The following EIF3E variants were observed in gnomAD, a reference collection of about 807,000 sequenced individuals.
EIF3E encodes the protein eIF-3 p48.
Under a neutral mutation model 59.3 loss-of-function variants are expected in EIF3E, and 25 were observed. The ratio of observed to expected loss-of-function variants is 0.42; its 90% CI spans 0.31 to 0.59. EIF3E has a LOEUF of 0.59. Ranked by LOEUF, EIF3E falls within the 20% of genes least tolerant of loss-of-function variation. The pLI is 0.15. For synonymous variants in EIF3E, 176 were observed against 170.2 expected (o/e 1.03, Z -0.26); for missense variants, 317 against 534.3 (o/e 0.59, Z 4.01).
intron 4 of EIF3E, among the ~76,000 whole-genome samples, chr8:108,235,829 A>C (rs1411737073): frequency 6.6e-6 from 1 of 152,248 alleles, no homozygotes; most frequent in Non-Finnish European, 1.5e-5. Flanking sequence ...TTAATCCATA[A>C]GAAAAGGCAT....
chr8:108,247,551 G>A (rs1815971258), intron 1 of EIF3E, among the ~76,000 whole-genome samples: 1 of 152,158 alleles, frequency 6.6e-6, no homozygotes, highest in Admixed American at 6.5e-5. Context: ...GTTTAGAAAA[G>A]GTGCATATGA....
intron 7 of EIF3E, among the ~76,000 whole-genome samples, chr8:108,224,596 A>C (rs985358753): frequency 1.3e-5 from 2 of 151,622 alleles, no homozygotes; most frequent in Non-Finnish European, 2.9e-5. Context: ...ACCCTATAGC[A>C]AGTGAAAACA....
intron 1 of EIF3E, 29 bp downstream of exon 1, chr8:108,248,584 G>A: frequency 1.2e-6 from 2 of 1,609,716 alleles, no homozygotes; most frequent in Non-Finnish European, 1.7e-6. Context: ...CCGCCCCCAC[G>A]CCTTCCTTGC....
intron 3 of EIF3E, 36 bp downstream of exon 3, chr8:108,239,922 G>T: frequency 6.7e-7 from 1 of 1,495,460 alleles, no homozygotes. Flanking sequence ...ATCCAGAAAG[G>T]AGAATTTTTA....
At chr8:108,209,887 G>A (rs1815174816) in intron 10 of EIF3E, among the ~76,000 whole-genome samples, 1 of 152,060 alleles carries the variant, frequency 6.6e-6, no homozygotes, top group Non-Finnish European at 1.5e-5. Flanking sequence ...GAAATGTTCT[G>A]TATCTTGAAT....
At chr8:108,244,540 G>A (rs1815908127) in intron 1 of EIF3E, among the ~76,000 whole-genome samples, 1 of 151,864 alleles carries the variant, frequency 6.6e-6, no homozygotes, top group South Asian at 2.1e-4. Context: ...TCATCTCCAA[G>A]AATTCCAACT....
intron 1 of EIF3E, among the ~76,000 whole-genome samples, chr8:108,247,165 A>G (rs1425529816): frequency 6.6e-6 from 1 of 152,198 alleles, no homozygotes. Flanking sequence ...CCTGCAGTTC[A>G]TAGTTTTCGT....
intron 10 of EIF3E, among the ~76,000 whole-genome samples, chr8:108,205,875 A>T (rs1815092142): frequency 6.6e-6 from 1 of 152,154 alleles, no homozygotes. Context: ...TTAATCTTCT[A>T]CTGTGCTCAA....
chr8:108,209,629 G>C (rs926681452), intron 10 of EIF3E, among the ~76,000 whole-genome samples: 2 of 152,122 alleles, frequency 1.3e-5, no homozygotes, highest in Non-Finnish European at 2.9e-5. Flanking sequence ...ATTAACATCT[G>C]TAATGTTTTC....
chr8:108,228,651 T>G (rs1815565327), intron 6 of EIF3E, among the ~76,000 whole-genome samples: 1 of 152,214 alleles, frequency 6.6e-6, no homozygotes, highest in Non-Finnish European at 1.5e-5. Context: ...TTACAGAAGT[T>G]ATAAATTATA....
chr8:108,203,569 G>A (rs1423439002), intron 10 of EIF3E, 66 bp from the exon 11 acceptor site: 2 of 1,251,860 alleles, frequency 1.6e-6, no homozygotes, highest in African/African-American at 1.5e-5. Context: ...TATGTACACA[G>A]TGTTGACTCA....
chr8:108,205,082 T>C (rs1815075687), intron 10 of EIF3E, among the ~76,000 whole-genome samples: 1 of 152,168 alleles, frequency 6.6e-6, no homozygotes, highest in Admixed American at 6.5e-5. Context: ...GTTTATATAC[T>C]GTCTTTTATC....
At chr8:108,217,753 T>C (rs1438011237) in intron 7 of EIF3E, among the ~76,000 whole-genome samples, 1 of 152,140 alleles carries the variant, frequency 6.6e-6, no homozygotes, top group East Asian at 1.9e-4. Context: ...CAAGGTTCAT[T>C]GACATGCTGT....
intron 7 of EIF3E, chr8:108,226,205 T>C (rs986895651): frequency 1.3e-5 from 2 of 151,298 alleles, no homozygotes; most frequent in Non-Finnish European, 2.9e-5. Flanking sequence ...TTTTTTTTTT[T>C]TTTTTGAGAC....
At chr8:108,228,704 A>G (rs892380559) in intron 6 of EIF3E, among the ~76,000 whole-genome samples, 1 of 152,216 alleles carries the variant, frequency 6.6e-6, no homozygotes, top group Non-Finnish European at 1.5e-5. Context: ...TAAACTGAAC[A>G]TTTCATAGTA....
rs1814991609 is a variant in EIF3E at position 108,201,269 on chromosome 8, AT to A, written c.*615del. ...ACTGATCATATATATATATATATCT[AT>A]CTCTCAACTTGGATGGCTCTCAAGA... On this transcript the variant is annotated 3_prime_UTR_variant, in exon 13 of 13. Transcript: ENST00000220849. 7.1e-6 allele frequency: 1 copy of A among 139,986 alleles called. No individual in the cohort carries two copies. The highest frequency in any genetic ancestry group is 1.5e-5 in the Non-Finnish European group (1 of 66,694). The allele number at this position is 139,986 out of a possible 1,614,324, so 8.7% of individuals were successfully genotyped here. A position where few individuals can be genotyped will look rare whatever the true frequency, so the allele number is the denominator to read the frequency against.
At chr8:108,216,539 G>GT in intron 8 of EIF3E, 26 bp from the exon 9 acceptor site, 6 of 1,501,104 alleles carry the variant, frequency 4.0e-6, no homozygotes, top group East Asian at 2.3e-5. Context: ...AACGGTCAAG[G>GT]TAAGTCTGAT....
intron 3 of EIF3E, among the ~76,000 whole-genome samples, chr8:108,239,477 C>G (rs1815796669): frequency 6.6e-6 from 1 of 152,194 alleles, no homozygotes; most frequent in East Asian, 1.9e-4. Context: ...GCTGAGATTA[C>G]AGGTGTGAGC....
At chr8:108,229,247 C>T (rs1224798195) in intron 5 of EIF3E, 52 bp from the exon 6 acceptor site, 1 of 1,579,846 alleles carries the variant, frequency 6.3e-7, no homozygotes, top group African/African-American at 1.4e-5. Context: ...GAAAAATGAA[C>T]ATAATGTATG....
Sources: allele counts gnomAD v4.1 joint callset (sites outside exome capture counted in the v4.1 genomes callset), GRCh38; gene constraint gnomAD v4.1.1; transcripts MANE v1.5; gene names NCBI Gene and HGNC (gene_info 2026-07-23, HGNC 2026-07-21).